Variants in SCMH1 observed in about 807,000 individuals in gnomAD.
The protein encoded by SCMH1 is polycomb protein SCMH1.
Under a neutral mutation model 70.8 loss-of-function variants are expected in SCMH1, and 37 were observed. The observed-to-expected ratio is 0.52, with a 90% CI of 0.40 to 0.69. The LOEUF (loss-of-function observed/expected upper bound fraction) is 0.69. SCMH1 is among the 30% of genes least tolerant of loss of function. The pLI is 0.00. For missense variants in SCMH1, 607 were observed against 827.3 expected, an observed-to-expected ratio of 0.73 and a Z score of 3.27; for synonymous variants, 292 against 307.4, an observed-to-expected ratio of 0.95 and a Z score of 0.52.
In SCMH1 at chr1:41,232,745, C is replaced by T. The variant is rs182912443; in HGVS notation, c.-118+9314G>A. ...GACAGATACTCAAAAAAGGTTATTC[C>T]CTTTTTTAGTACAGTACATTATATA... On this transcript the variant is annotated intron_variant, in intron 1 of 14. Transcript: ENST00000337495. Among the ~76,000 whole-genome samples, 46 of 152,230 alleles carry T rather than the reference C, an allele frequency of 3.0e-4. 1 individual carries two copies. In the Middle Eastern group the frequency reaches 0.024, roughly 79 times the overall value.
At chr1:41,175,325 C>G (rs377145082) in intron 2 of SCMH1, among the ~76,000 whole-genome samples, 4 of 152,286 alleles carry the variant, frequency 2.6e-5, no homozygotes, top group East Asian at 3.9e-4. Flanking sequence ...TCTTGAGCCT[C>G]CAGTACCCTC....
chr1:41,082,182 T>G (rs1320710995), intron 8 of SCMH1, among the ~76,000 whole-genome samples: 1 of 152,018 alleles, frequency 6.6e-6, no homozygotes, highest in Admixed American at 6.6e-5. Context: ...AAGATATATA[T>G]GGCCTCATTA....
chr1:41,164,386 TTCTC>T (rs1223917052), intron 2 of SCMH1, among the ~76,000 whole-genome samples: 2 of 152,124 alleles, frequency 1.3e-5, no homozygotes, highest in Admixed American at 6.5e-5. Context: ...ATTCGTATCT[TTCTC>T]TCTCTCCTCA....
intron 9 of SCMH1, 55 bp downstream of exon 9, chr1:41,075,164 G>C (rs1416223168): frequency 6.4e-7 from 1 of 1,566,124 alleles, no homozygotes. Flanking sequence ...GCGCCTGGCC[G>C]AATGACCCCT....
chr1:41,200,759 G>A (rs1478534192), intron 1 of SCMH1, among the ~76,000 whole-genome samples: 1 of 151,970 alleles, frequency 6.6e-6, no homozygotes, highest in Non-Finnish European at 1.5e-5. Flanking sequence ...AGAACATTAC[G>A]CTTCTTAGAA....
intron 2 of SCMH1, among the ~76,000 whole-genome samples, chr1:41,180,515 C>T (rs577104307): frequency 7.8e-4 from 119 of 152,270 alleles, no homozygotes; most frequent in Non-Finnish European, 7.5e-4. Context: ...GATAGAAAAT[C>T]GATGTGCAAA....
chr1:41,177,424 A>G (rs1042214840), intron 2 of SCMH1, among the ~76,000 whole-genome samples: 1 of 152,200 alleles, frequency 6.6e-6, no homozygotes, highest in Non-Finnish European at 1.5e-5. Context: ...AGAAGGCTTC[A>G]GACGATCAAA....
intron 1 of SCMH1, among the ~76,000 whole-genome samples, chr1:41,241,333 CCA>C (rs1205818191): frequency 2.0e-5 from 3 of 152,246 alleles, no homozygotes; most frequent in African/African-American, 7.2e-5. Flanking sequence ...ACAACTGTGC[CCA>C]CGTGTCTGGC....
intron 1 of SCMH1, among the ~76,000 whole-genome samples, chr1:41,218,149 C>G (rs1658493075): frequency 6.6e-6 from 1 of 152,034 alleles, no homozygotes; most frequent in African/African-American, 2.4e-5. Flanking sequence ...AGAGTTGATG[C>G]TGGAAGGAGT....
chr1:41,050,587 A>G (rs1647731192), intron 10 of SCMH1, among the ~76,000 whole-genome samples: 1 of 152,224 alleles, frequency 6.6e-6, no homozygotes, highest in Non-Finnish European at 1.5e-5. Flanking sequence ...AAAAACAAAA[A>G]GAAGAAAAGG....
chr1:41,044,345 A>G (rs141857932), intron 12 of SCMH1, among the ~76,000 whole-genome samples: 3 of 152,304 alleles, frequency 2.0e-5, no homozygotes, highest in African/African-American at 4.8e-5. Context: ...GCTCTTGTAC[A>G]GATCGAGCTC....
chr1:41,104,366 A>C (rs943400079), intron 8 of SCMH1, among the ~76,000 whole-genome samples: 4 of 152,206 alleles, frequency 2.6e-5, no homozygotes, highest in African/African-American at 9.7e-5. Flanking sequence ...GGAAGGAGGA[A>C]ATGGTATATA....
chr1:41,074,846 G>T (rs993797074), intron 9 of SCMH1, among the ~76,000 whole-genome samples: 12 of 152,160 alleles, frequency 7.9e-5, no homozygotes, highest in Non-Finnish European at 1.6e-4. Flanking sequence ...GATGGGTATG[G>T]ATGAATGACC....
intron 8 of SCMH1, among the ~76,000 whole-genome samples, chr1:41,094,435 G>A (rs1387328642): frequency 6.6e-6 from 1 of 152,164 alleles, no homozygotes; most frequent in Non-Finnish European, 1.5e-5. Flanking sequence ...CCTTGAAGAT[G>A]CTGTGAAAGG....
rs1457818226 is a variant in SCMH1, at chr1:41,035,859, T to G, written c.1678+1503A>C. Reference sequence around the variant, plus strand: ...CACCCCTCCACCACAGCACCAAGGCTGCTTTCGCTAAGATCCACCAATTAC... The same window carrying G: ...CACCCCTCCACCACAGCACCAAGGCGGCTTTCGCTAAGATCCACCAATTAC... On this transcript the variant is annotated intron_variant, in intron 13 of 14. Coordinates refer to ENST00000337495, the Ensembl canonical transcript of SCMH1. Among the ~76,000 whole-genome samples the G allele has an allele frequency of 2.6e-5, 4 of 152,164 alleles. No individual in the cohort carries two copies. In the East Asian group the frequency reaches 7.7e-4, roughly 29 times the overall value.
chr1:41,124,021 G>C (rs1366040183), intron 6 of SCMH1, among the ~76,000 whole-genome samples: 3 of 152,068 alleles, frequency 2.0e-5, no homozygotes, highest in Admixed American at 1.3e-4. Context: ...GGGGAACATG[G>C]ACACACAAAC....
chr1:41,135,606 T>A (rs1643166599), intron 6 of SCMH1, among the ~76,000 whole-genome samples: 1 of 152,190 alleles, frequency 6.6e-6, no homozygotes, highest in Non-Finnish European at 1.5e-5. Flanking sequence ...CTTCCCTTTA[T>A]AATTACCCAG....
chr1:41,107,417 G>A (rs1206693132), intron 8 of SCMH1, among the ~76,000 whole-genome samples: 1 of 151,906 alleles, frequency 6.6e-6, no homozygotes, highest in Admixed American at 6.5e-5. Context: ...GATGGATGAG[G>A]AAGATCAGTC....
chr1:41,048,140 CAG>C (rs748897069), intron 11 of SCMH1, among the ~76,000 whole-genome samples: 16 of 152,092 alleles, frequency 1.1e-4, no homozygotes, highest in Non-Finnish European at 1.8e-4. Flanking sequence ...AAAACTGAAA[CAG>C]AATCAGGACA....
Sources: gnomAD v4.1 joint callset for allele counts (sites outside exome capture counted in the v4.1 genomes callset) on GRCh38, gnomAD v4.1.1 for gene constraint, MANE v1.5 for transcripts, NCBI Gene and HGNC (gene_info 2026-07-23, HGNC 2026-07-21) for gene names.